ZNF445: variants seen among roughly 807,000 people sequenced by gnomAD.
ZNF445 encodes the protein zinc finger protein 445.
A neutral mutation model predicts 93.9 loss-of-function variants in ZNF445; 19 were observed. That is an observed-to-expected ratio of 0.20 (90% CI 0.14 to 0.30). The LOEUF (loss-of-function observed/expected upper bound fraction) is 0.30. Among genes scored for constraint, ZNF445 ranks in the 10% least tolerant of loss-of-function variants. The pLI is 1.00. For missense variants in ZNF445, 1,058 were observed against 1,259.4 expected (o/e 0.84, Z 2.42); for synonymous variants, 449 against 446.3 (o/e 1.01, Z -0.08).
chr3:44,446,894 C>A lies in ZNF445; in HGVS notation c.2777G>T (p.Arg926Leu). 5 of 1,614,174 alleles carry A rather than the reference C, an allele frequency of 3.1e-6. No homozygotes were observed. Among genetic ancestry groups the A allele is most frequent in the Non-Finnish European group, 4.2e-6 (5 of 1,180,036 alleles). ...AGAGGAAGACCGTGCAGGCGGGCTA[C>A]GTTCAGCCTGTGCTGCTCTGGTGTG... ...RKHTRAAQAERSPPARSSSQD... is the reference protein window; with the variant it reads ...RKHTRAAQAELSPPARSSSQD... The change falls in exon 8 of 8, where the codon CGT (arginine) becomes CTT (leucine). Residue 926 changes from arginine (R) to leucine (L), a missense_variant. Physicochemically the swap from Arg to Leu is moderately radical, Grantham distance 102. Transcript: ENST00000396077. This position sits in a 1 kb window ranked among gnomAD's most constrained non-coding sequence, Gnocchi z 4.2.
chr3:44,457,267 T>C (rs1023950824), intron 2 of ZNF445, among the ~76,000 whole-genome samples: 4 of 151,778 alleles, frequency 2.6e-5, no homozygotes, highest in Non-Finnish European at 5.9e-5. Context: ...TACACCCAAC[T>C]GATTTTTTTT....
rs1420336134 is a variant in ZNF445 at position 44,445,093 on chromosome 3, T to C, written c.*1482A>G. ...TCCTGAGAGCAGCAGGCACATGCACTTGTTCCTTCGGGTTGAATCTGATTG... is the reference window on the plus strand; with the variant it reads ...TCCTGAGAGCAGCAGGCACATGCACCTGTTCCTTCGGGTTGAATCTGATTG... On this transcript the variant is annotated 3_prime_UTR_variant, in exon 8 of 8. Transcript: ENST00000396077. 6.6e-6 allele frequency: 1 copy of C among 152,244 alleles called. No individual in the cohort carries two copies. The highest frequency in any genetic ancestry group is 2.4e-5 in the African/African-American group (1 of 41,458). 9.4% of individuals were successfully genotyped at this position (152,244 alleles called of 1,614,324 possible).
At chr3:44,451,524 C>G in intron 3 of ZNF445, 42 bp from the exon 4 acceptor site, 4 of 1,578,686 alleles carry the variant, frequency 2.5e-6, no homozygotes, top group Non-Finnish European at 2.6e-6. Context: ...TTCTGGGAAT[C>G]AGAAAGCAAA....
intron 1 of ZNF445, among the ~76,000 whole-genome samples, chr3:44,474,589 A>G (rs1698316509): frequency 6.6e-6 from 1 of 152,204 alleles, no homozygotes; most frequent in Non-Finnish European, 1.5e-5. Context: ...AAGACTAAGT[A>G]ACTGTCACAG....
intron 1 of ZNF445, among the ~76,000 whole-genome samples, chr3:44,468,507 T>C (rs995219104): frequency 2.6e-5 from 4 of 152,220 alleles, no homozygotes; most frequent in African/African-American, 7.2e-5. Context: ...TTAGAAATTA[T>C]GGTTTAGGAG....
chr3:44,443,969 T>C lies in ZNF445; in HGVS notation c.*2606A>G, dbSNP rs1382540033. 1.3e-5 allele frequency: 2 copies of C among 150,900 alleles called. No individual in the cohort carries two copies. Among genetic ancestry groups the C allele is most frequent in the African/African-American group, 2.4e-5 (1 of 40,976 alleles). 9.3% of individuals were successfully genotyped at this position (150,900 alleles called of 1,614,324 possible). On this transcript the variant is annotated 3_prime_UTR_variant, in exon 8 of 8. Coordinates refer to ENST00000396077, the MANE Select transcript of ZNF445 (RefSeq NM_181489.6). ...GCATGAGCAACATGGGAAAAAAAAA[T>C]AAAAGTTTTGTCTCTACAAAAAAAT...
intron 1 of ZNF445, among the ~76,000 whole-genome samples, chr3:44,464,981 T>A (rs1329933729): frequency 6.6e-6 from 1 of 151,382 alleles, no homozygotes; most frequent in Non-Finnish European, 1.5e-5. Context: ...GCAGCAGAAT[T>A]GCTTGAACCC....
In ZNF445 at chr3:44,448,344, CCCCAATCA is replaced by C; in HGVS notation, c.1319_1326del (p.Met440ArgfsTer10). 6.2e-7 allele frequency: 1 copy of C among 1,614,180 alleles called. No individual in the cohort carries two copies. The highest frequency in any genetic ancestry group is 8.5e-7 in the Non-Finnish European group (1 of 1,180,040). On this transcript the variant is annotated frameshift_variant, in exon 8 of 8. Transcript: ENST00000396077. LOFTEE classifies it high-confidence loss of function. ...TGAATTCTCTGATGTAGGCTGAAGC[CCCCAATCA>C]TGTGTCTGAGCCCCTTCCCATATTT... is the stretch of plus-strand genomic sequence containing the variant.
chr3:44,456,283 G>A (rs1698027076), intron 2 of ZNF445, among the ~76,000 whole-genome samples: 1 of 152,052 alleles, frequency 6.6e-6, no homozygotes, highest in South Asian at 2.1e-4. Flanking sequence ...CAGGCATGGT[G>A]GTGCGTGCCT....
At chr3:44,453,290 T>G (rs77667626) in intron 3 of ZNF445, among the ~76,000 whole-genome samples, 6 of 148,646 alleles carry the variant, frequency 4.0e-5, no homozygotes, top group African/African-American at 2.5e-5. Context: ...TCTATATATG[T>G]TTTTTTTTTT....
chr3:44,471,960 G>C (rs575190780), intron 1 of ZNF445, among the ~76,000 whole-genome samples: 2 of 152,290 alleles, frequency 1.3e-5, no homozygotes, highest in African/African-American at 4.8e-5. Context: ...TCAGGACCAA[G>C]AGGAGCAGGC....
intron 1 of ZNF445, among the ~76,000 whole-genome samples, chr3:44,468,164 C>T (rs527822691): frequency 6.6e-6 from 1 of 152,306 alleles, no homozygotes; most frequent in South Asian, 2.1e-4. Flanking sequence ...CACTATGTCC[C>T]CTGTCAGGAG....
Position 44,447,170 on chromosome 3 carries a change from A to C in ZNF445, c.2501T>G (p.Leu834Arg). ...EKTPNVEPKI[L>R]TGEKRFWCQE... ...ACACCAAAAACGTTTCTCACCAGTG[A>C]GGATTTTTGGCTCCACATTTGGAGT... The change falls in exon 8 of 8, where the codon CTC becomes CGC. Residue 834 changes from leucine (L) to arginine (R), a missense_variant. By Grantham distance (102) the Leu-to-Arg change is moderately radical (BLOSUM62 -2). Around this residue, in one of 3 missense-constraint regions of ZNF445, gnomAD observed 387 missense variants for 475.7 expected, o/e 0.81. Transcript: ENST00000396077. This position sits in a 1 kb window ranked among gnomAD's most constrained non-coding sequence, Gnocchi z 4.7. The C allele has an allele frequency of 3.7e-6, 6 of 1,614,174 alleles. No individual in the cohort carries two copies. Among genetic ancestry groups the C allele is most frequent in the Non-Finnish European group, 5.1e-6 (6 of 1,180,018 alleles).
At chr3:44,466,283 G>C (rs1698193719) in intron 1 of ZNF445, among the ~76,000 whole-genome samples, 2 of 152,140 alleles carry the variant, frequency 1.3e-5, no homozygotes, top group South Asian at 2.1e-4. Flanking sequence ...TTTGCTACTT[G>C]ACAAACTTTC....
chr3:44,451,376 AG>A lies in ZNF445; in HGVS notation c.535del (p.Leu179TrpfsTer11). On this transcript the variant is annotated frameshift_variant, in exon 4 of 8. Coordinates refer to ENST00000396077, the MANE Select transcript of ZNF445 (RefSeq NM_181489.6). LOFTEE classifies it high-confidence loss of function. ...ATAGGGAGGCTCCAGGTGGTCCCCC[AG>A]AGCAGAGCTGCTCCTGAGAGGTGAA... Reference protein sequence around the residue: ...LASPLRSSSALGDHLEPPYEI... With the variant: ...LASPLRSSSAXGDHLEPPYEI... 6.2e-7 allele frequency: 1 copy of A among 1,614,192 alleles called. No individual in the cohort carries two copies. Among genetic ancestry groups the A allele is most frequent in the Middle Eastern group, 1.7e-4 (1 of 6,060 alleles).
rs768119574 is a variant in ZNF445, at chr3:44,435,315, C to T, written c.*11260G>A. 2 of 152,180 alleles carry T rather than the reference C, an allele frequency of 1.3e-5. No homozygotes were observed. The highest frequency in any genetic ancestry group is 2.9e-5 in the Non-Finnish European group (2 of 68,034). 9.4% of individuals were successfully genotyped at this position (152,180 alleles called of 1,614,324 possible). ...CTTCTCTCTTTTGCAAAACCCATGTCACAGTGATTGATTTACTGTGTGAGA... is the reference window on the plus strand; with the variant it reads ...CTTCTCTCTTTTGCAAAACCCATGTTACAGTGATTGATTTACTGTGTGAGA... On this transcript the variant is annotated 3_prime_UTR_variant, in exon 8 of 8. Transcript: ENST00000396077.
At position 44,440,865 on chromosome 3, in the gene ZNF445, C is replaced by T. The variant is rs930787244; in HGVS notation, c.*5710G>A. Reference sequence around the variant, plus strand: ...TGAGCAATTACCAGAACTGAGGGTTCCTCTCCTTTTTAGACCATATAGTGT... The same window carrying T: ...TGAGCAATTACCAGAACTGAGGGTTTCTCTCCTTTTTAGACCATATAGTGT... On this transcript the variant is annotated 3_prime_UTR_variant, in exon 8 of 8. Transcript: ENST00000396077. 3 of 151,152 alleles carry T rather than the reference C, an allele frequency of 2.0e-5. No individual in the cohort carries two copies. Among genetic ancestry groups the T allele is most frequent in the African/African-American group, 7.3e-5 (3 of 41,078 alleles). 9.4% of individuals were successfully genotyped at this position (151,152 alleles called of 1,614,324 possible). A position where few individuals can be genotyped will look rare whatever the true frequency, so the allele number is the denominator to read the frequency against.
In ZNF445 at chr3:44,448,059, C is replaced by T. The variant is rs1282644026; in HGVS notation, c.1612G>A (p.Val538Met). 2 of 1,612,480 alleles carry T rather than the reference C, an allele frequency of 1.2e-6. No homozygotes were observed. The highest frequency in any genetic ancestry group is 2.2e-5 in the East Asian group (1 of 44,874). The change falls in exon 8 of 8, where the codon GTG becomes ATG. Residue 538 changes from valine (V) to methionine (M), a missense_variant. Transcript: ENST00000396077. ...CARHEKIHTGVKPYKCDLCEK... is the reference protein window; with the variant it reads ...CARHEKIHTGMKPYKCDLCEK... The stretch of plus-strand genomic sequence containing the variant: ...CATAAATCGCATTTATAAGGCTTCA[C>T]TCCAGTGTGAATTTTCTCATGCCGC...
chr3:44,455,845 T>A (rs1305103819), intron 2 of ZNF445, 149 bp from the exon 3 acceptor site: 1 of 312,200 alleles, frequency 3.2e-6, no homozygotes, highest in Non-Finnish European at 5.8e-6. Flanking sequence ...TGTCCCCTAT[T>A]GGAGTAAGCT....
Sources: allele counts gnomAD v4.1 joint callset (sites outside exome capture counted in the v4.1 genomes callset), GRCh38; gene constraint gnomAD v4.1.1; regional missense constraint gnomAD v4.1.1; non-coding constraint Gnocchi (gnomAD v3.1); transcripts MANE v1.5; gene names NCBI Gene and HGNC (gene_info 2026-07-23, HGNC 2026-07-21).